The following RBSN variants were observed in gnomAD, a reference collection of about 807,000 sequenced individuals.
RBSN encodes rabenosyn, RAB effector.
RBSN carries 34 observed loss-of-function variants against 60.5 expected under a neutral mutation model. That is an observed-to-expected ratio of 0.56 (90% confidence interval 0.43 to 0.75). The LOEUF (loss-of-function observed/expected upper bound fraction) is 0.75. Among genes scored for constraint, RBSN ranks in the 30% least tolerant of loss-of-function variants. RBSN has a pLI of 0.00. For synonymous variants in RBSN, 322 were observed against 366.9 expected, an observed-to-expected ratio of 0.88 and a Z score of 1.40; for missense variants, 845 against 986.8, an observed-to-expected ratio of 0.86 and a Z score of 1.92.
At chr3:15,095,506 G>A (rs1325697871) in intron 4 of RBSN, among the ~76,000 whole-genome samples, 1 of 152,110 alleles carries the variant, frequency 6.6e-6, no homozygotes. Flanking sequence ...TCCTTTTTCT[G>A]GGCTATAGAG....
intron 2 of RBSN, 110 bp downstream of exon 2, chr3:15,098,009 C>A (rs1425944780): frequency 6.6e-6 from 1 of 152,526 alleles, no homozygotes; most frequent in African/African-American, 2.4e-5. Flanking sequence ...CATGCACTCA[C>A]CCCTAACGAC....
intron 13 of RBSN, chr3:15,075,212 G>A (rs375338589): frequency 3.4e-4 from 187 of 554,634 alleles, no homozygotes; most frequent in African/African-American, 3.2e-3. Flanking sequence ...AACCTCTAAG[G>A]TCTGTTCCCC....
At chr3:15,078,384 G>A (rs2043106348) in intron 10 of RBSN, among the ~76,000 whole-genome samples, 1 of 152,146 alleles carries the variant, frequency 6.6e-6, no homozygotes, top group South Asian at 2.1e-4. Context: ...TTCATGCCAA[G>A]GCCTCCAAGG....
Position 15,084,638 on chromosome 3 carries a change from A to C in RBSN, c.598+97T>G, listed in dbSNP as rs2043290101. The C allele has an allele frequency of 7.0e-7, 1 of 1,433,538 alleles. No homozygotes were observed. The highest frequency in any genetic ancestry group is 1.4e-5 in the African/African-American group (1 of 70,020). The allele number at this position is 1,433,538 out of a possible 1,614,324, so 88.8% of individuals were successfully genotyped here. A position where few individuals can be genotyped will look rare whatever the true frequency, so the allele number is the denominator to read the frequency against. On this transcript the variant is annotated intron_variant, in intron 8 of 13. Coordinates refer to ENST00000253699, the MANE Select transcript of RBSN (RefSeq NM_022340.4). This position sits in a 1 kb window ranked among gnomAD's most constrained non-coding sequence, Gnocchi z 4.2. ...GAATGAAGATTCCCATGAGCCATTAATTTAACAAAAAGGTTCCACGATCCC... is the reference window on the plus strand; with the variant it reads ...GAATGAAGATTCCCATGAGCCATTACTTTAACAAAAAGGTTCCACGATCCC...
rs1303924307 is a variant in RBSN at position 15,074,877 on chromosome 3, A to T, written c.1260T>A (p.Ser420=). The T allele has an allele frequency of 6.2e-7, 1 of 1,613,860 alleles. No individual in the cohort carries two copies. The highest frequency in any genetic ancestry group is 2.2e-5 in the East Asian group (1 of 44,900). The change falls in exon 14 of 14, where the codon TCT becomes TCA. Residue 420 remains serine (S), a synonymous_variant. Coordinates refer to ENST00000253699, the MANE Select transcript of RBSN (RefSeq NM_022340.4). The surrounding 1 kb of genome is among the most constrained non-coding windows in gnomAD (Gnocchi z 6.4). The stretch of plus-strand genomic sequence containing the variant: ...ATGCCACCTCCCCGTTGGCCGCTCG[A>T]GAAGCCAGGCCACTCTGCCTTTCCT... ...RLEERQSGLA[S]RAANGEVASL...
chr3:15,095,654 A>C (rs1335865839), intron 4 of RBSN: 1 of 476,574 alleles, frequency 2.1e-6, no homozygotes, highest in East Asian at 3.3e-5. Context: ...TGGTGGTTAA[A>C]GAACAGTCAA....
At chr3:15,098,464 T>TAAAAAA (rs2043730632) in intron 1 of RBSN, among the ~76,000 whole-genome samples, 190 bp from the exon 2 acceptor site, 1 of 10,578 alleles carries the variant, frequency 9.5e-5, no homozygotes, top group African/African-American at 2.2e-4. Flanking sequence ...GTAAAAAAAA[T>TAAAAAA]AAAAATAAAA....
intron 5 of RBSN, among the ~76,000 whole-genome samples, chr3:15,089,937 AGAGAATTT>A (rs1462950863): frequency 6.6e-6 from 1 of 152,188 alleles, no homozygotes; most frequent in Non-Finnish European, 1.5e-5. Context: ...AATAAATGTT[AGAGAATTT>A]TTATCATCCC....
At chr3:15,090,365 A>T (rs1168843265) in intron 5 of RBSN, 34 bp downstream of exon 5, 1 of 1,610,220 alleles carries the variant, frequency 6.2e-7, no homozygotes, top group African/African-American at 1.3e-5. Context: ...ATGCTCAATA[A>T]CCACTTGCTG....
rs1465202121 is a variant in RBSN at position 15,073,817 on chromosome 3, G to T, written c.2320C>A (p.His774Asn). The change falls in exon 14 of 14, where the codon CAC becomes AAC. Residue 774 changes from histidine to asparagine, a missense_variant. By Grantham distance (68) the His-to-Asn change is moderately conservative. Transcript: ENST00000253699. ...VLTENLRELK[H>N]TLAKQKGGTD is the part of the protein sequence containing the mutation. The stretch of plus-strand genomic sequence containing the variant: ...CCCCCCTTCTGCTTGGCCAGGGTGT[G>T]CTTCAGCTCCCGCAGATTCTCTGTC... 6.2e-7 allele frequency: 1 copy of T among 1,611,434 alleles called. No individual in the cohort carries two copies. The highest frequency in any genetic ancestry group is 8.5e-7 in the Non-Finnish European group (1 of 1,179,050).
intron 4 of RBSN, among the ~76,000 whole-genome samples, chr3:15,091,807 C>A (rs748417072): frequency 1.3e-5 from 2 of 152,340 alleles, no homozygotes; most frequent in Non-Finnish European, 2.9e-5. Context: ...AACTATGCCT[C>A]TGCAGAACAT....
intron 9 of RBSN, 197 bp from the exon 10 acceptor site, chr3:15,080,999 C>T: frequency 1.8e-6 from 1 of 564,646 alleles, no homozygotes; most frequent in Non-Finnish European, 3.1e-6. Context: ...GAGAATGGAG[C>T]TTCTGATCAG....
At chr3:15,089,410 C>A (rs115611246) in intron 5 of RBSN, among the ~76,000 whole-genome samples, 23 of 125,968 alleles carry the variant, frequency 1.8e-4, no homozygotes, top group African/African-American at 6.9e-4. Flanking sequence ...TGAGCCATGA[C>A]GGAGCCCTGG....
intron 5 of RBSN, chr3:15,086,196 G>C: frequency 2.1e-6 from 1 of 465,334 alleles, no homozygotes; most frequent in Non-Finnish European, 3.9e-6. Flanking sequence ...TCAGGAGCTG[G>C]AGGCTTCAGT....
At chr3:15,075,294 A>C (rs546105115) in intron 13 of RBSN, 7 of 613,420 alleles carry the variant, frequency 1.1e-5, no homozygotes, top group Non-Finnish European at 1.8e-5. Flanking sequence ...ATATACCGAT[A>C]TGTTCTACAA....
chr3:15,087,407 C>T (rs1318707142), intron 5 of RBSN, among the ~76,000 whole-genome samples: 1 of 152,100 alleles, frequency 6.6e-6, no homozygotes, highest in Non-Finnish European at 1.5e-5. Flanking sequence ...CCCAGCTACT[C>T]AGGTGGCTGA....
intron 9 of RBSN, chr3:15,081,204 GA>G (rs2043198413): frequency 6.1e-6 from 1 of 164,824 alleles, no homozygotes. Flanking sequence ...TAGTAGAGAC[GA>G]GGTTTTGCCA....
At position 15,074,401 on chromosome 3, in the gene RBSN, G is replaced by T. The variant is rs1021099295; in HGVS notation, c.1736C>A (p.Pro579Gln). 6.2e-7 allele frequency: 1 copy of T among 1,614,130 alleles called. No homozygotes were observed. The highest frequency in any genetic ancestry group is 1.3e-5 in the African/African-American group (1 of 75,028). Residue 579 changes from proline to glutamine, a missense_variant, in exon 14 of 14, where the codon CCA (proline) becomes CAA (glutamine). By Grantham distance (76) the Pro-to-Gln change is moderately conservative. Coordinates refer to ENST00000253699, the MANE Select transcript of RBSN (RefSeq NM_022340.4). The surrounding 1 kb of genome is among the most constrained non-coding windows in gnomAD (Gnocchi z 6.4). The part of the protein sequence containing the change: ...LAYALDLGSS[P>Q]VPSSTAPKTP... Reference sequence around the variant, plus strand: ...CTTGGGAGCTGTGCTGCTTGGAACTGGGGAAGAGCCTAGATCCAAAGCATA... The same window carrying T: ...CTTGGGAGCTGTGCTGCTTGGAACTTGGGAAGAGCCTAGATCCAAAGCATA...
At chr3:15,083,276 G>A (rs2043253098) in intron 8 of RBSN, among the ~76,000 whole-genome samples, 1 of 152,188 alleles carries the variant, frequency 6.6e-6, no homozygotes, top group Non-Finnish European at 1.5e-5. Context: ...GTTGGTCTCA[G>A]GGAGAAAGTA....
Sources: allele counts gnomAD v4.1 joint callset (sites outside exome capture counted in the v4.1 genomes callset), GRCh38; gene constraint gnomAD v4.1.1; non-coding constraint Gnocchi (gnomAD v3.1); transcripts MANE v1.5; gene names NCBI Gene and HGNC (gene_info 2026-07-23, HGNC 2026-07-21).